RNASEH1: variants seen among roughly 807,000 people sequenced by gnomAD.
The protein encoded by RNASEH1 is ribonuclease H type II.
Under a neutral mutation model 34.6 loss-of-function variants are expected in RNASEH1, and 27 were observed. The ratio of observed to expected loss-of-function variants is 0.78; its 90% CI spans 0.58 to 1.08. The LOEUF (loss-of-function observed/expected upper bound fraction) is 1.08, where lower values mean the gene tolerates loss of function less well. RNASEH1 is among the 50% of genes least tolerant of loss of function. The pLI, the probability that RNASEH1 is intolerant of heterozygous loss-of-function variation, is 0.00. For synonymous variants in RNASEH1, 162 were observed against 138.4 expected, an observed-to-expected ratio of 1.17 and a Z score of -1.20; for missense variants, 349 against 373.6, an observed-to-expected ratio of 0.93 and a Z score of 0.54.
At chr2:3,532,957 C>T in the RNASEH1 span, among the ~76,000 whole-genome samples, 19 of 152,316 alleles carry the variant, frequency 1.2e-4, no homozygotes, top group Admixed American at 5.9e-4. Context: ...TCGGGCAGAG[C>T]GAGGCGAGAA....
chr2:3,545,083 A>AATT lies in RNASEH1; in HGVS notation c.*701_*702insAAT. ...AGCCACTGTGCCCAGCCGGTGTCTTACTTTTTTTTTTTTTTTTTTAATTTG... is the reference window on the plus strand; with the variant it reads ...AGCCACTGTGCCCAGCCGGTGTCTTAATTCTTTTTTTTTTTTTTTTTTAATTTG... On this transcript the variant is annotated 3_prime_UTR_variant, in exon 8 of 8. Transcript: ENST00000315212. The AATT allele has an allele frequency of 7.0e-6, 1 of 142,782 alleles. No homozygotes were observed. The allele number at this position is 142,782 out of a possible 1,614,324, so 8.8% of individuals were successfully genotyped here.
At chr2:3,552,505 C>A (rs1478640552) in intron 2 of RNASEH1, among the ~76,000 whole-genome samples, 197 bp from the exon 3 acceptor site, 2 of 127,910 alleles carry the variant, frequency 1.6e-5, no homozygotes, top group Non-Finnish European at 3.2e-5. Context: ...CATCTCCACC[C>A]CCTCCACACC....
the RNASEH1 span, among the ~76,000 whole-genome samples, chr2:3,535,446 A>AG: frequency 5.3e-5 from 8 of 150,138 alleles, no homozygotes; most frequent in African/African-American, 2.0e-4. Flanking sequence ...AAAAAAAAAA[A>AG]GGTTAAGATG....
At chr2:3,540,446 T>C (rs1264824529), downstream of RNASEH1, among the ~76,000 whole-genome samples, 1 of 152,212 alleles carries the variant, frequency 6.6e-6, no homozygotes, top group Non-Finnish European at 1.5e-5. Context: ...TCTCACTCTA[T>C]TGCCCAGGCT....
intron 2 of RNASEH1, among the ~76,000 whole-genome samples, chr2:3,556,140 C>T (rs905745323): frequency 2.0e-5 from 3 of 151,796 alleles, no homozygotes; most frequent in Non-Finnish European, 2.9e-5. Flanking sequence ...TGCCACTGCA[C>T]TCCAGCCTGC....
chr2:3,557,316 T>C (rs1014284741), intron 1 of RNASEH1, among the ~76,000 whole-genome samples: 1 of 152,200 alleles, frequency 6.6e-6, no homozygotes, highest in Non-Finnish European at 1.5e-5. Flanking sequence ...TCGCACCTTA[T>C]AGTTTTATCC....
intron 4 of RNASEH1, chr2:3,550,101 C>T (rs1572308772): frequency 2.6e-6 from 1 of 390,846 alleles, no homozygotes; most frequent in East Asian, 5.2e-5. Flanking sequence ...TGTGTTTGTG[C>T]CACTGTACTC....
chr2:3,558,037 C>G lies in RNASEH1; in HGVS notation c.128+96G>C, dbSNP rs760002010. On this transcript the variant is annotated intron_variant, in intron 1 of 7. Coordinates refer to ENST00000315212, the MANE Select transcript of RNASEH1 (RefSeq NM_002936.6). ...ACAGCCACAGCGCGCGGCACAGACTCGGACCGCCAGGCTCCCGCCGCCGGG... is the reference window on the plus strand; with the variant it reads ...ACAGCCACAGCGCGCGGCACAGACTGGGACCGCCAGGCTCCCGCCGCCGGG... 85 of 1,480,814 alleles carry G rather than the reference C, an allele frequency of 5.7e-5. 1 individual carries two copies. The highest frequency in any genetic ancestry group is 7.6e-5 in the Non-Finnish European group (85 of 1,116,166). 91.7% of individuals were successfully genotyped at this position (1,480,814 alleles called of 1,614,324 possible).
At chr2:3,548,908 T>C in intron 5 of RNASEH1, 150 bp downstream of exon 5, 3 of 848,394 alleles carry the variant, frequency 3.5e-6, no homozygotes, top group South Asian at 3.3e-5. Context: ...AGAATTTTTC[T>C]ACAAAATTCC....
intron 4 of RNASEH1, 95 bp downstream of exon 4, chr2:3,550,278 G>C: frequency 9.4e-7 from 1 of 1,068,756 alleles, no homozygotes; most frequent in Non-Finnish European, 1.5e-6. Flanking sequence ...CTTATCTGCA[G>C]GTTTTCCCAA....
chr2:3,537,527 C>T (rs1277038213), downstream of RNASEH1, among the ~76,000 whole-genome samples: 1 of 151,566 alleles, frequency 6.6e-6, no homozygotes, highest in African/African-American at 2.4e-5. Context: ...GTTGAAGACC[C>T]GCCTGGACAA....
chr2:3,551,268 A>C (rs1659878108), intron 3 of RNASEH1, among the ~76,000 whole-genome samples: 1 of 152,234 alleles, frequency 6.6e-6, no homozygotes, highest in Admixed American at 6.5e-5. Flanking sequence ...GGTGTTGGGC[A>C]GGGCTCCTCC....
rs138981938 is a variant in RNASEH1 at position 3,554,100 on chromosome 2, G to A, written c.245-1792C>T. Among the ~76,000 whole-genome samples, 133 of 152,300 alleles carry A rather than the reference G, an allele frequency of 8.7e-4. 1 individual carries two copies. The highest frequency in any genetic ancestry group is 3.4e-3 in the Middle Eastern group (1 of 294). Reference sequence around the variant, plus strand: ...ACAAGAAAATGTCCAGCCTAGTGGAGCTTCTCAACCCACACCTCTCGGAAC... The same window carrying A: ...ACAAGAAAATGTCCAGCCTAGTGGAACTTCTCAACCCACACCTCTCGGAAC... On this transcript the variant is annotated intron_variant, in intron 2 of 7. Transcript: ENST00000315212.
intron 2 of RNASEH1, among the ~76,000 whole-genome samples, chr2:3,556,428 C>G (rs1660503820): frequency 6.6e-6 from 1 of 151,632 alleles, no homozygotes; most frequent in Non-Finnish European, 1.5e-5. Flanking sequence ...ACCTCAGCCT[C>G]CCGAGTAGCT....
At chr2:3,554,965 T>C (rs1412308753) in intron 2 of RNASEH1, among the ~76,000 whole-genome samples, 3 of 152,174 alleles carry the variant, frequency 2.0e-5, no homozygotes, top group Admixed American at 1.3e-4. Flanking sequence ...ATAGGCCGAG[T>C]GAACTATGGG....
At chr2:3,536,465 G>C (rs959374076), downstream of RNASEH1, among the ~76,000 whole-genome samples, 1 of 152,190 alleles carries the variant, frequency 6.6e-6, no homozygotes, top group Non-Finnish European at 1.5e-5. Context: ...TCTGTCCTGG[G>C]CTGGCTCCGT....
At chr2:3,533,617 T>G in the RNASEH1 span, 1 of 152,224 alleles carries the variant, frequency 6.6e-6, no homozygotes, top group African/African-American at 2.4e-5. Context: ...GAAAGTGCCA[T>G]TTGATGGCAG....
Position 3,556,844 on chromosome 2 carries a change from T to G in RNASEH1, c.189A>C (p.Thr63=). ...TGACAAAGGCCCAGGCCTCATCCTCTGTGGCAAACTTCTTAAATCTGGCAG... is the reference window on the plus strand; with the variant it reads ...TGACAAAGGCCCAGGCCTCATCCTCGGTGGCAAACTTCTTAAATCTGGCAG... The part of the protein sequence containing the change: ...FPAARFKKFA[T]EDEAWAFVRK... The change falls in exon 2 of 8, where the codon ACA becomes ACC. Residue 63 remains threonine, a synonymous_variant. Transcript: ENST00000315212. 6.2e-7 allele frequency: 1 copy of G among 1,614,150 alleles called. No individual in the cohort carries two copies. The highest frequency in any genetic ancestry group is 1.1e-5 in the South Asian group (1 of 91,084).
Position 3,556,785 on chromosome 2 carries a change from CTACCTTCTGAA to C in RNASEH1, c.237_244+3del. On this transcript the variant is annotated splice_donor_variant and splice_donor_region_variant and coding_sequence_variant and intron_variant, in exon 2 of 8. Coordinates refer to ENST00000315212, the MANE Select transcript of RNASEH1 (RefSeq NM_002936.6). LOFTEE classifies it high-confidence loss of function. ...AATGTCACACTGATATGAGAGGTGA[CTACCTTCTGAA>C]ACTTCCGGGCTTGCAGATTTCCTGA... The C allele has an allele frequency of 6.3e-7, 1 of 1,597,710 alleles. No homozygotes were observed. Among genetic ancestry groups the C allele is most frequent in the Non-Finnish European group, 8.6e-7 (1 of 1,164,980 alleles).
Sources: gnomAD v4.1 joint callset for allele counts (sites outside exome capture counted in the v4.1 genomes callset) on GRCh38, gnomAD v4.1.1 for gene constraint, MANE v1.5 for transcripts, NCBI Gene and HGNC (gene_info 2026-07-23, HGNC 2026-07-21) for gene names.